PTPRJ: variants seen among roughly 807,000 people sequenced by gnomAD.
The protein encoded by PTPRJ is protein tyrosine phosphatase receptor type J, also known as receptor-type tyrosine-protein phosphatase eta.
A neutral mutation model predicts 141.3 loss-of-function variants in PTPRJ; 129 were observed. That is an observed-to-expected ratio of 0.91 (90% CI 0.79 to 1.06). The LOEUF (loss-of-function observed/expected upper bound fraction) is 1.06, where lower values mean the gene tolerates loss of function less well. Ranked by LOEUF, PTPRJ falls within the 50% of genes least tolerant of loss-of-function variation. PTPRJ has a pLI of 0.00. For missense variants in PTPRJ, 1,601 were observed against 1,679.7 expected (o/e 0.95, Z 0.82); for synonymous variants, 610 against 640.5 (o/e 0.95, Z 0.72).
Position 47,991,010 on chromosome 11 carries a change from G to A in PTPRJ, c.96+10002G>A, listed in dbSNP as rs146529349. On this transcript the variant is annotated intron_variant, in intron 1 of 24. Transcript: ENST00000418331. ...GTTGGGATTACAGGTGTGAGCCACC[G>A]CGCCCGGCCCCATGAAACCTCTTAT... Among the ~76,000 whole-genome samples, 348 of 151,868 alleles carry A rather than the reference G, an allele frequency of 2.3e-3. 2 individuals carry two copies. The highest frequency in any genetic ancestry group is 8.0e-3 in the African/African-American group (332 of 41,406).
intron 7 of PTPRJ, among the ~76,000 whole-genome samples, 196 bp downstream of exon 7, chr11:48,128,239 T>C (rs750981400): frequency 1.3e-5 from 2 of 152,196 alleles, no homozygotes; most frequent in Non-Finnish European, 2.9e-5. Flanking sequence ...CCTTATTTTA[T>C]AGATAGGAAG....
intron 1 of PTPRJ, among the ~76,000 whole-genome samples, chr11:48,019,901 A>G (rs1016209826): frequency 2.0e-5 from 3 of 152,198 alleles, no homozygotes; most frequent in Non-Finnish European, 4.4e-5. Context: ...TTTGCTTTGC[A>G]TCACATATTG....
chr11:48,044,698 A>G (rs1854347777), intron 1 of PTPRJ: 1 of 152,098 alleles, frequency 6.6e-6, no homozygotes, highest in Admixed American at 6.6e-5. Context: ...TCGTTCCTCT[A>G]CTCTGTTAAA....
At chr11:48,110,481 G>C (rs1283423369) in intron 2 of PTPRJ, among the ~76,000 whole-genome samples, 1 of 152,206 alleles carries the variant, frequency 6.6e-6, no homozygotes, top group Non-Finnish European at 1.5e-5. Flanking sequence ...TTACAGGCGC[G>C]AGCCACCACG....
intron 1 of PTPRJ, among the ~76,000 whole-genome samples, chr11:48,011,939 T>C (rs975192176): frequency 1.3e-5 from 2 of 152,296 alleles, no homozygotes; most frequent in Middle Eastern, 3.4e-3. Flanking sequence ...GCTGACATTA[T>C]AGGTGTGAGC....
intron 1 of PTPRJ, among the ~76,000 whole-genome samples, chr11:48,093,694 G>T (rs1280693929): frequency 1.3e-5 from 2 of 151,716 alleles, no homozygotes; most frequent in African/African-American, 4.8e-5. Flanking sequence ...TGTGAATTTG[G>T]AATTTTCAAA....
chr11:48,004,389 G>C (rs1854573808), intron 1 of PTPRJ, among the ~76,000 whole-genome samples: 1 of 152,186 alleles, frequency 6.6e-6, no homozygotes, highest in South Asian at 2.1e-4. Context: ...TAAGGACATC[G>C]TTTTGTCAAG....
chr11:47,990,254 G>A (rs1854152575), intron 1 of PTPRJ, among the ~76,000 whole-genome samples: 2 of 152,056 alleles, frequency 1.3e-5, no homozygotes. Flanking sequence ...AAAAGGCTAT[G>A]TAGAGAACAA....
intron 1 of PTPRJ, among the ~76,000 whole-genome samples, chr11:48,104,795 A>G (rs997834267): frequency 1.3e-5 from 2 of 152,182 alleles, no homozygotes; most frequent in Non-Finnish European, 2.9e-5. Context: ...TTTGGGTTTC[A>G]TGGTCTCAGT....
intron 16 of PTPRJ, 182 bp from the exon 17 acceptor site, chr11:48,149,807 AG>A: frequency 1.7e-6 from 1 of 581,990 alleles, no homozygotes; most frequent in Non-Finnish European, 3.0e-6. Context: ...GTTACAAAGT[AG>A]GGTCTAGAAA....
At chr11:48,093,499 A>G (rs1283649055) in intron 1 of PTPRJ, among the ~76,000 whole-genome samples, 1 of 152,182 alleles carries the variant, frequency 6.6e-6, no homozygotes, top group African/African-American at 2.4e-5. Context: ...TGTCTATTTA[A>G]TGGAGATGAA....
intron 1 of PTPRJ, among the ~76,000 whole-genome samples, chr11:48,071,543 C>T (rs535605544): frequency 1.3e-5 from 2 of 149,378 alleles, no homozygotes; most frequent in East Asian, 2.0e-4. Flanking sequence ...GTCTCGACCT[C>T]GTGATCCTCC....
intron 1 of PTPRJ, among the ~76,000 whole-genome samples, chr11:48,061,536 A>G (rs1339783905): frequency 6.6e-6 from 1 of 152,204 alleles, no homozygotes; most frequent in African/African-American, 2.4e-5. Context: ...AGATACTATC[A>G]TGATCTCTGT....
intron 1 of PTPRJ, among the ~76,000 whole-genome samples, chr11:48,032,008 G>C (rs1397442765): frequency 6.6e-6 from 1 of 152,162 alleles, no homozygotes; most frequent in Non-Finnish European, 1.5e-5. Flanking sequence ...CTGTATCATA[G>C]GGTTGATGAG....
At position 48,165,841 on chromosome 11, in the gene PTPRJ, T is replaced by A. The variant is rs190250648; in HGVS notation, c.3855+1326T>A. 5.3e-5 allele frequency among the ~76,000 whole-genome samples: 8 copies of A among 150,924 alleles called. No individual in the cohort carries two copies. The South Asian group carries it at 1.3e-3, about 24-fold the overall frequency. On this transcript the variant is annotated intron_variant, in intron 24 of 24. Transcript: ENST00000418331. ...AACAATACTTATTCATATGAAAGCA[T>A]TTGACAATATATTTTTCTCTCCTCT...
Position 48,168,582 on chromosome 11 carries a change from A to ATATATATATATATG in PTPRJ, c.*1220_*1221insTATATATATATATG, listed in dbSNP as rs1351743334. 2 of 97,826 alleles carry ATATATATATATATG rather than the reference A, an allele frequency of 2.0e-5. 1 individual carries two copies. The highest frequency in any genetic ancestry group is 4.3e-5 in the Non-Finnish European group (2 of 46,576). The allele number at this position is 97,826 out of a possible 1,614,324, so 6.1% of individuals were successfully genotyped here. On this transcript the variant is annotated 3_prime_UTR_variant, in exon 25 of 25. Transcript: ENST00000418331. Reference sequence around the variant, plus strand: ...TATATATATATATATATATATATATACACTAAGCTCTCAAAAACAGTCATT... The same window carrying ATATATATATATATG: ...TATATATATATATATATATATATATATATATATATATATGCACTAAGCTCTCAAAAACAGTCATT...
chr11:48,094,919 G>A lies in PTPRJ; in HGVS notation c.97-15139G>A, dbSNP rs1289279885. Among the ~76,000 whole-genome samples, 6 of 152,280 alleles carry A rather than the reference G, an allele frequency of 3.9e-5. No homozygotes were observed. The East Asian group carries it at 1.2e-3, about 29-fold the overall frequency. On this transcript the variant is annotated intron_variant, in intron 1 of 24. Transcript: ENST00000418331. ...GGTCTTTGGAGGGGCAGCCCTTTCT[G>A]CCATGTGAATCTTTGCCCAGCCCTG...
In PTPRJ at chr11:48,155,824, T is replaced by G; in HGVS notation, c.3253T>G (p.Ser1085Ala). Residue 1085 changes from serine (S) to alanine (A), a missense_variant, in exon 20 of 25, where the codon TCG becomes GCG. Physicochemically the swap from Ser to Ala is moderately conservative, Grantham distance 99. Coordinates refer to ENST00000418331, the MANE Select transcript of PTPRJ (RefSeq NM_002843.4). ...AGATGATATTTCCCGTGTCAAACTTTCGGTCCAGACCCATTCAACGGATGA... is the reference window on the plus strand; with the variant it reads ...AGATGATATTTCCCGTGTCAAACTTGCGGTCCAGACCCATTCAACGGATGA... ...LPYDISRVKL[S>A]VQTHSTDDYI... 6.2e-7 allele frequency: 1 copy of G among 1,605,796 alleles called. No individual in the cohort carries two copies. The highest frequency in any genetic ancestry group is 8.5e-7 in the Non-Finnish European group (1 of 1,173,724).
intron 1 of PTPRJ, among the ~76,000 whole-genome samples, chr11:48,044,394 G>A (rs1024255883): frequency 6.6e-6 from 1 of 152,224 alleles, no homozygotes; most frequent in African/African-American, 2.4e-5. Context: ...GAGGGCCTAA[G>A]AGGAATTGGA....
Sources: allele counts gnomAD v4.1 joint callset (sites outside exome capture counted in the v4.1 genomes callset), GRCh38; gene constraint gnomAD v4.1.1; transcripts MANE v1.5; gene names NCBI Gene and HGNC (gene_info 2026-07-23, HGNC 2026-07-21).